GRIN2A: variants seen among roughly 807,000 people sequenced by gnomAD.
GRIN2A encodes the protein glutamate receptor ionotropic, NMDA 2A.
Under a neutral mutation model 113.4 loss-of-function variants are expected in GRIN2A, and 22 were observed. That is an observed-to-expected ratio of 0.19 (90% confidence interval 0.14 to 0.28). The LOEUF is 0.28. GRIN2A is among the 10% of genes least tolerant of loss of function. The probability of loss-of-function intolerance (pLI) is 1.00; values close to 1 mark genes in which losing one functional copy is unlikely to be tolerated. For synonymous variants in GRIN2A, 827 were observed against 738.4 expected (o/e 1.12, Z -1.94); for missense variants, 1,502 against 1,887.0 (o/e 0.80, Z 3.78).
At chr16:10,147,407 G>A (rs950684964) in intron 2 of GRIN2A, among the ~76,000 whole-genome samples, 9 of 138,858 alleles carry the variant, frequency 6.5e-5, no homozygotes, top group South Asian at 2.3e-4. Flanking sequence ...TCAGGAGTTC[G>A]AGACCAGGCT....
intron 4 of GRIN2A, among the ~76,000 whole-genome samples, chr16:9,883,603 T>G (rs1301383983): frequency 6.6e-6 from 1 of 152,094 alleles, no homozygotes; most frequent in Non-Finnish European, 1.5e-5. Context: ...TGGGGGACAC[T>G]CCGGGGATAA....
At chr16:10,089,945 G>C (rs1389699367) in intron 2 of GRIN2A, among the ~76,000 whole-genome samples, 3 of 151,902 alleles carry the variant, frequency 2.0e-5, no homozygotes, top group African/African-American at 7.3e-5. Context: ...TCAAAACCTT[G>C]GTGAATTTTT....
At position 9,849,933 on chromosome 16, in the gene GRIN2A, C is replaced by G. The variant is rs1300680701; in HGVS notation, c.1151G>C (p.Ser384Thr). Reference sequence around the variant, plus strand: ...CCTGGGCCACACGGCGTGCCTCAGGCTCAGCGTATGGTTCTCCCACTTGCC... The same window carrying G: ...CCTGGGCCACACGGCGTGCCTCAGGGTCAGCGTATGGTTCTCCCACTTGCC... The part of the protein sequence containing the change: ...KVGKWENHTL[S>T]LRHAVWPRYK... Residue 384 changes from serine (S) to threonine (T), a missense_variant, in exon 5 of 13, where the codon AGC (serine) becomes ACC (threonine). Transcript: ENST00000330684. 6.2e-7 allele frequency: 1 copy of G among 1,613,964 alleles called. No homozygotes were observed. Among genetic ancestry groups the G allele is most frequent in the Non-Finnish European group, 8.5e-7 (1 of 1,179,964 alleles).
chr16:9,765,182 G>C (rs1395042596), intron 12 of GRIN2A, among the ~76,000 whole-genome samples: 1 of 152,212 alleles, frequency 6.6e-6, no homozygotes, highest in Non-Finnish European at 1.5e-5. Context: ...TTTGCAAAGA[G>C]TCACACATGG....
intron 2 of GRIN2A, 119 bp downstream of exon 2, chr16:10,179,879 C>G (rs1387803358): frequency 1.9e-5 from 9 of 475,732 alleles, no homozygotes; most frequent in East Asian, 1.2e-4. Context: ...CCACGACCCT[C>G]CCACCCCCAC....
intron 2 of GRIN2A, among the ~76,000 whole-genome samples, chr16:10,166,523 C>T (rs1854776680): frequency 6.6e-6 from 1 of 152,170 alleles, no homozygotes; most frequent in Non-Finnish European, 1.5e-5. Context: ...CAATTTGACC[C>T]CAGATCCCTA....
intron 2 of GRIN2A, among the ~76,000 whole-genome samples, chr16:10,175,364 A>C (rs2050121727): frequency 1.3e-5 from 2 of 152,216 alleles, no homozygotes; most frequent in South Asian, 4.1e-4. Context: ...GAAAATCTTG[A>C]ATCCTCTAAG....
chr16:9,781,977 A>G (rs1233933082), intron 11 of GRIN2A, among the ~76,000 whole-genome samples: 1 of 152,212 alleles, frequency 6.6e-6, no homozygotes, highest in Non-Finnish European at 1.5e-5. Context: ...GTGAAAAATC[A>G]TGGACTATAA....
intron 2 of GRIN2A, among the ~76,000 whole-genome samples, chr16:10,047,429 C>T (rs72772368): frequency 0.12 from 18,863 of 152,118 alleles, 1,330 homozygotes; most frequent in African/African-American, 0.18. Flanking sequence ...CAATTAGTAC[C>T]CAATAAATGT....
intron 10 of GRIN2A, among the ~76,000 whole-genome samples, chr16:9,805,120 A>G (rs1567310524): frequency 1.3e-5 from 2 of 152,114 alleles, no homozygotes; most frequent in Non-Finnish European, 2.9e-5. Flanking sequence ...AAGACTGTTT[A>G]CTGGCAAATC....
intron 9 of GRIN2A, among the ~76,000 whole-genome samples, chr16:9,825,228 G>T (rs538394309): frequency 3.3e-5 from 5 of 152,166 alleles, no homozygotes; most frequent in Non-Finnish European, 7.4e-5. Context: ...AACCAGTTAA[G>T]CTCCTGAGCC....
At chr16:10,160,251 G>T (rs1432690115) in intron 2 of GRIN2A, among the ~76,000 whole-genome samples, 3 of 152,200 alleles carry the variant, frequency 2.0e-5, no homozygotes, top group Middle Eastern at 3.2e-3. Context: ...TCAAAACAAT[G>T]TTCTGAGTGC....
intron 10 of GRIN2A, among the ~76,000 whole-genome samples, chr16:9,801,379 T>C (rs903829259): frequency 6.6e-6 from 1 of 152,236 alleles, no homozygotes; most frequent in Non-Finnish European, 1.5e-5. Context: ...CATGTACACA[T>C]GGGCACATTC....
chr16:10,152,608 T>C (rs1346921032), intron 2 of GRIN2A, among the ~76,000 whole-genome samples: 1 of 152,170 alleles, frequency 6.6e-6, no homozygotes, highest in African/African-American at 2.4e-5. Context: ...TCATGTTCAG[T>C]TCACCATTGC....
chr16:10,019,708 C>T (rs534371325), intron 2 of GRIN2A, among the ~76,000 whole-genome samples: 14 of 152,256 alleles, frequency 9.2e-5, no homozygotes, highest in Admixed American at 2.6e-4. Context: ...GTCAGCTCAG[C>T]GAGGGTTCAG....
At chr16:10,043,989 A>ATGTG (rs1567257787) in intron 2 of GRIN2A, among the ~76,000 whole-genome samples, 8 of 136,856 alleles carry the variant, frequency 5.8e-5, no homozygotes, top group African/African-American at 2.3e-4. Context: ...ATATACACAT[A>ATGTG]CGTGTGTGTG....
chr16:10,168,552 C>G (rs1267548518), intron 2 of GRIN2A, among the ~76,000 whole-genome samples: 1 of 152,210 alleles, frequency 6.6e-6, no homozygotes, highest in Non-Finnish European at 1.5e-5. Flanking sequence ...GACAGACAGT[C>G]ACTGTTAGCT....
intron 2 of GRIN2A, among the ~76,000 whole-genome samples, chr16:10,052,232 G>A (rs867535988): frequency 1.3e-5 from 2 of 152,180 alleles, no homozygotes; most frequent in African/African-American, 4.8e-5. Context: ...TTCTCCATCT[G>A]GAATAAGAGA....
At chr16:9,871,905 G>C (rs1338191998) in intron 4 of GRIN2A, among the ~76,000 whole-genome samples, 3 of 152,202 alleles carry the variant, frequency 2.0e-5, no homozygotes, top group Non-Finnish European at 2.9e-5. Context: ...GAAAGTAGCA[G>C]AAGTTAGTAG....
Sources: allele counts gnomAD v4.1 joint callset (sites outside exome capture counted in the v4.1 genomes callset), GRCh38; gene constraint gnomAD v4.1.1; transcripts MANE v1.5; gene names NCBI Gene and HGNC (gene_info 2026-07-23, HGNC 2026-07-21).